Variants in COL21A1 observed in about 807,000 individuals in gnomAD.
COL21A1 encodes the protein collagen type XXI alpha 1 chain.
COL21A1 carries 149 observed loss-of-function variants against 137.9 expected under a neutral mutation model. The ratio of observed to expected loss-of-function variants is 1.08; its 90% CI spans 0.95 to 1.24. The LOEUF is 1.24. Among genes scored for constraint, COL21A1 ranks in the 50% most tolerant of loss-of-function variants. The pLI is 0.00. For missense variants in COL21A1, 1,167 were observed against 1,158.4 expected (o/e 1.01, Z -0.11); for synonymous variants, 456 against 391.5 (o/e 1.16, Z -1.95).
intron 1 of COL21A1, among the ~76,000 whole-genome samples, chr6:56,317,331 T>C (rs998834063): frequency 2.6e-5 from 4 of 152,262 alleles, no homozygotes; most frequent in African/African-American, 9.6e-5. Context: ...CAAAATATTT[T>C]ATAAGCTTCT....
chr6:56,174,185 G>C (rs926182572), intron 3 of COL21A1, among the ~76,000 whole-genome samples: 1 of 151,842 alleles, frequency 6.6e-6, no homozygotes, highest in African/African-American at 2.4e-5. Context: ...ACAGTACTAA[G>C]AGAGAAGTTT....
At chr6:56,206,080 G>T (rs572913410) in intron 1 of COL21A1, among the ~76,000 whole-genome samples, 2 of 152,004 alleles carry the variant, frequency 1.3e-5, no homozygotes, top group Non-Finnish European at 2.9e-5. Flanking sequence ...ATCAACTAAC[G>T]GGCAAAATAA....
intron 17 of COL21A1, among the ~76,000 whole-genome samples, chr6:56,095,440 T>C (rs1769229224): frequency 6.6e-6 from 1 of 152,196 alleles, no homozygotes; most frequent in Non-Finnish European, 1.5e-5. Context: ...CTTTAGTTGT[T>C]ACTAGAGGTG....
intron 1 of COL21A1, among the ~76,000 whole-genome samples, chr6:56,391,355 C>A (rs1236787311): frequency 2.6e-5 from 4 of 151,894 alleles, no homozygotes; most frequent in African/African-American, 7.2e-5. Context: ...AGCAGAAAAA[C>A]TTCAAACAAA....
intron 10 of COL21A1, among the ~76,000 whole-genome samples, chr6:56,142,282 A>G (rs1274201013): frequency 6.6e-6 from 1 of 152,194 alleles, no homozygotes; most frequent in Non-Finnish European, 1.5e-5. Flanking sequence ...TACTGGATTT[A>G]TCAGAAATAC....
At chr6:56,072,778 C>A (rs1766867744) in intron 20 of COL21A1, among the ~76,000 whole-genome samples, 2 of 151,380 alleles carry the variant, frequency 1.3e-5, no homozygotes, top group Admixed American at 6.6e-5. Flanking sequence ...GAAAAAGTTT[C>A]CAACACCTAA....
intron 1 of COL21A1, among the ~76,000 whole-genome samples, chr6:56,274,758 G>T (rs1763603841): frequency 6.6e-6 from 1 of 151,980 alleles, no homozygotes; most frequent in Non-Finnish European, 1.5e-5. Context: ...CATGCCTATG[G>T]ATTAAAAAAT....
chr6:56,069,019 G>A (rs974504689), intron 22 of COL21A1, 27 bp downstream of exon 22: 7 of 1,522,212 alleles, frequency 4.6e-6, no homozygotes, highest in Admixed American at 1.8e-5. Flanking sequence ...GGTTAAAAGC[G>A]AACTGTATCT....
intron 1 of COL21A1, among the ~76,000 whole-genome samples, chr6:56,239,611 A>G (rs1373210040): frequency 6.6e-6 from 1 of 152,194 alleles, no homozygotes; most frequent in Non-Finnish European, 1.5e-5. Flanking sequence ...AATTTTTTAT[A>G]TAATTTCCAC....
At chr6:56,331,864 T>C (rs1374350882) in intron 1 of COL21A1, 2 of 152,172 alleles carry the variant, frequency 1.3e-5, no homozygotes, top group Non-Finnish European at 2.9e-5. Context: ...AGCAAAACAA[T>C]GTTTTAAGAA....
chr6:56,314,008 C>A (rs1331459217), intron 1 of COL21A1, among the ~76,000 whole-genome samples: 1 of 152,134 alleles, frequency 6.6e-6, no homozygotes, highest in Non-Finnish European at 1.5e-5. Context: ...TAGAGAGAGA[C>A]ATAGTATCAC....
chr6:56,151,602 A>G (rs1008998092), intron 10 of COL21A1, among the ~76,000 whole-genome samples: 3 of 152,246 alleles, frequency 2.0e-5, no homozygotes, highest in Non-Finnish European at 4.4e-5. Flanking sequence ...GTATTTCTCC[A>G]GAGTGGAATA....
chr6:56,135,704 A>C (rs1489406462), intron 12 of COL21A1, among the ~76,000 whole-genome samples: 1 of 152,180 alleles, frequency 6.6e-6, no homozygotes, highest in Non-Finnish European at 1.5e-5. Context: ...TAAATAAAGA[A>C]CCAAGGCAAT....
At chr6:56,099,501 G>T (rs865916074) in intron 17 of COL21A1, among the ~76,000 whole-genome samples, 1 of 151,994 alleles carries the variant, frequency 6.6e-6, no homozygotes, top group Non-Finnish European at 1.5e-5. Flanking sequence ...CTCCCAAAGT[G>T]CTGGGATTAC....
At chr6:56,190,036 C>T (rs541802728) in intron 1 of COL21A1, among the ~76,000 whole-genome samples, 6 of 152,114 alleles carry the variant, frequency 3.9e-5, no homozygotes, top group Non-Finnish European at 5.9e-5. Context: ...TAAAGACCAT[C>T]GACACCATGA....
intron 1 of COL21A1, among the ~76,000 whole-genome samples, chr6:56,234,703 TC>T (rs1781791943): frequency 1.3e-5 from 2 of 151,680 alleles, no homozygotes; most frequent in Admixed American, 6.6e-5. Flanking sequence ...ATTCAATAGC[TC>T]CCTCACCCAT....
At chr6:56,223,218 G>A (rs1334324542) in intron 1 of COL21A1, among the ~76,000 whole-genome samples, 1 of 152,042 alleles carries the variant, frequency 6.6e-6, no homozygotes, top group Non-Finnish European at 1.5e-5. Flanking sequence ...CAGTAGATGA[G>A]AGGACAGGAG....
Position 56,235,286 on chromosome 6 carries a change from T to C in COL21A1, c.-39+12101A>G, listed in dbSNP as rs1460860050. ...CAAGCCTGAAGTTTAAAAACAATTG[T>C]GAACCAGGCCTATATTCAGCTGGTA... is the stretch of plus-strand genomic sequence containing the variant. On this transcript the variant is annotated intron_variant, in intron 1 of 29. Transcript: ENST00000244728. Among the ~76,000 whole-genome samples, 5 of 152,056 alleles carry C rather than the reference T, an allele frequency of 3.3e-5. No homozygotes were observed. The East Asian group carries it at 9.7e-4, about 29-fold the overall frequency.
chr6:56,298,719 C>G (rs1764215174), intron 1 of COL21A1, among the ~76,000 whole-genome samples: 1 of 152,058 alleles, frequency 6.6e-6, no homozygotes, highest in Admixed American at 6.6e-5. Context: ...TGCAAGTATT[C>G]TTGCTCAGCA....
Sources: gnomAD v4.1 joint callset for allele counts (sites outside exome capture counted in the v4.1 genomes callset) on GRCh38, gnomAD v4.1.1 for gene constraint, MANE v1.5 for transcripts, NCBI Gene and HGNC (gene_info 2026-07-23, HGNC 2026-07-21) for gene names.